The following PTPRR variants were observed in gnomAD, a reference collection of about 807,000 sequenced individuals.
PTPRR encodes the protein receptor-type tyrosine-protein phosphatase R.
A neutral mutation model predicts 77.2 loss-of-function variants in PTPRR; 38 were observed. That is an observed-to-expected ratio of 0.49 (90% CI 0.38 to 0.65). PTPRR has a LOEUF of 0.65. Ranked by LOEUF, PTPRR falls within the 30% of genes least tolerant of loss-of-function variation. The pLI is 0.00. For missense variants in PTPRR, 744 were observed against 799.2 expected, an observed-to-expected ratio of 0.93 and a Z score of 0.83; for synonymous variants, 299 against 283.1, an observed-to-expected ratio of 1.06 and a Z score of -0.57.
chr12:70,900,128 A>AT, intron 1 of PTPRR, among the ~76,000 whole-genome samples: 2 of 151,566 alleles, frequency 1.3e-5, no homozygotes, highest in East Asian at 3.9e-4. Context: ...TATCATTAGA[A>AT]TTTTTTGTAG....
At position 70,817,628 on chromosome 12, in the gene PTPRR, A is replaced by G. The variant is rs191527416; in HGVS notation, c.358-52850T>C. Among the ~76,000 whole-genome samples, 3 of 152,308 alleles carry G rather than the reference A, an allele frequency of 2.0e-5. No individual in the cohort carries two copies. The East Asian group carries it at 5.8e-4, about 29-fold the overall frequency. On this transcript the variant is annotated intron_variant, in intron 2 of 13. Coordinates refer to ENST00000283228, the MANE Select transcript of PTPRR (RefSeq NM_002849.4). ...ACAGTCTTGTTGAACAGGCTGAGAAAAGATTGAGAGTGATTCCAAAGGAAA... is the reference window on the plus strand; with the variant it reads ...ACAGTCTTGTTGAACAGGCTGAGAAGAGATTGAGAGTGATTCCAAAGGAAA...
At chr12:70,868,121 G>A (rs7962616) in intron 2 of PTPRR, among the ~76,000 whole-genome samples, 32,086 of 151,914 alleles carry the variant, frequency 0.21, 4,493 homozygotes, top group Admixed American at 0.4. Flanking sequence ...CACGACATAG[G>A]CATGAGCAAG....
At chr12:70,875,005 T>C (rs1000384245) in intron 2 of PTPRR, among the ~76,000 whole-genome samples, 1 of 150,782 alleles carries the variant, frequency 6.6e-6, no homozygotes, top group African/African-American at 2.4e-5. Flanking sequence ...TAGCAGCAAA[T>C]GTACAAAGAT....
chr12:70,754,350 A>AC, intron 4 of PTPRR, 49 bp from the exon 5 acceptor site: 1 of 1,607,464 alleles, frequency 6.2e-7, no homozygotes, highest in Non-Finnish European at 8.5e-7. Context: ...GCTTGAGAAA[A>AC]CTGGCGTTCT....
At chr12:70,726,556 A>C (rs1052385812) in intron 6 of PTPRR, among the ~76,000 whole-genome samples, 11 of 149,944 alleles carry the variant, frequency 7.3e-5, no homozygotes, top group Non-Finnish European at 1.5e-4. Context: ...TGTTATCAGT[A>C]TCATCATGGG....
At chr12:70,867,196 T>G (rs1405376225) in intron 2 of PTPRR, among the ~76,000 whole-genome samples, 2 of 151,528 alleles carry the variant, frequency 1.3e-5, no homozygotes, top group African/African-American at 2.4e-5. Flanking sequence ...CCAGGGCAAT[T>G]AGGCAGGAGA....
chr12:70,736,997 C>T (rs981016365), intron 6 of PTPRR, among the ~76,000 whole-genome samples: 3 of 152,222 alleles, frequency 2.0e-5, no homozygotes, highest in Non-Finnish European at 4.4e-5. Context: ...TCCTCTCCTG[C>T]CCCACTGCTG....
intron 2 of PTPRR, among the ~76,000 whole-genome samples, chr12:70,794,577 C>T (rs558030492): frequency 1.3e-5 from 2 of 152,246 alleles, no homozygotes; most frequent in East Asian, 3.9e-4. Context: ...AAATATATAA[C>T]TAACGAACAC....
chr12:70,658,595 T>C (rs551229201), intron 12 of PTPRR, among the ~76,000 whole-genome samples: 20 of 152,286 alleles, frequency 1.3e-4, no homozygotes, highest in African/African-American at 4.3e-4. Flanking sequence ...ACAGCAAATA[T>C]GATTTGCAAC....
At chr12:70,788,786 CCCTCTG>C (rs1891373130) in intron 2 of PTPRR, 1 of 1,387,620 alleles carries the variant, frequency 7.2e-7, no homozygotes, top group African/African-American at 1.4e-5. Context: ...ACACCGAGGA[CCCTCTG>C]CCTATCATGA....
intron 13 of PTPRR, among the ~76,000 whole-genome samples, chr12:70,642,968 C>T (rs890777496): frequency 5.9e-5 from 9 of 152,056 alleles, no homozygotes; most frequent in Non-Finnish European, 8.8e-5. Flanking sequence ...CCCAGGAGCT[C>T]GAGACCAGCC....
At chr12:70,872,712 A>AAAAAAAAAAAAAC (rs1892982433) in intron 2 of PTPRR, among the ~76,000 whole-genome samples, 1 of 149,588 alleles carries the variant, frequency 6.7e-6, no homozygotes, top group Non-Finnish European at 1.5e-5. Context: ...AAAAAAAAAA[A>AAAAAAAAAAAAAC]AAAAAAAACA....
chr12:70,840,173 T>G (rs1206859842), intron 2 of PTPRR, among the ~76,000 whole-genome samples: 1 of 152,168 alleles, frequency 6.6e-6, no homozygotes, highest in Non-Finnish European at 1.5e-5. Context: ...GCCATATTCC[T>G]TTCTGGAGGT....
chr12:70,731,856 T>C (rs1008835298), intron 6 of PTPRR, among the ~76,000 whole-genome samples: 1 of 152,230 alleles, frequency 6.6e-6, no homozygotes, highest in Non-Finnish European at 1.5e-5. Flanking sequence ...GATCCTACTG[T>C]GTGCACGTGT....
intron 4 of PTPRR, chr12:70,754,538 G>C: frequency 1.3e-6 from 2 of 1,590,222 alleles, no homozygotes; most frequent in Non-Finnish European, 1.7e-6. Flanking sequence ...GGCATCTGCA[G>C]GTCCCAGGCT....
In PTPRR at chr12:70,720,659, T is replaced by A. The variant is rs1889217652; in HGVS notation, c.1008-19336A>T. ...CCAGAGTAGCTGGCTAATTTTTGTA[T>A]TTTTAGTAGAGACAGGGTTTCTCCA... On this transcript the variant is annotated intron_variant, in intron 6 of 13. Coordinates refer to ENST00000283228, the MANE Select transcript of PTPRR (RefSeq NM_002849.4). Among the ~76,000 whole-genome samples, 3 of 152,020 alleles carry A rather than the reference T, an allele frequency of 2.0e-5. No homozygotes were observed. The South Asian group carries it at 6.2e-4, about 32-fold the overall frequency.
intron 8 of PTPRR, among the ~76,000 whole-genome samples, chr12:70,696,229 T>C (rs1005033249): frequency 1.3e-5 from 2 of 152,058 alleles, no homozygotes; most frequent in Non-Finnish European, 2.9e-5. Context: ...CTCAGTCCTC[T>C]CTGAACTCCT....
chr12:70,856,837 G>A (rs1400874411), intron 2 of PTPRR, among the ~76,000 whole-genome samples: 4 of 151,772 alleles, frequency 2.6e-5, no homozygotes, highest in South Asian at 2.1e-4. Flanking sequence ...AGTGGAGTGG[G>A]GGAGAGAGGG....
intron 2 of PTPRR, among the ~76,000 whole-genome samples, chr12:70,880,776 T>G (rs1592811637): frequency 6.6e-6 from 1 of 152,294 alleles, no homozygotes; most frequent in East Asian, 1.9e-4. Flanking sequence ...CCTTGCTTAT[T>G]TCTAGTTCCT....
Sources: gnomAD v4.1 joint callset for allele counts (sites outside exome capture counted in the v4.1 genomes callset) on GRCh38, gnomAD v4.1.1 for gene constraint, MANE v1.5 for transcripts, NCBI Gene and HGNC (gene_info 2026-07-23, HGNC 2026-07-21) for gene names.